MZT2A: variants seen among roughly 807,000 people sequenced by gnomAD.
The protein encoded by MZT2A is mitotic spindle organizing protein 2A.
Under a neutral mutation model 12.4 loss-of-function variants are expected in MZT2A, and 8 were observed. The ratio of observed to expected loss-of-function variants is 0.64; its 90% CI spans 0.38 to 1.16. The LOEUF is 1.16. MZT2A is among the 50% of genes most tolerant of loss of function. MZT2A has a pLI of 0.01. For missense variants in MZT2A, 181 were observed against 223.6 expected, an observed-to-expected ratio of 0.81 and a Z score of 1.22; for synonymous variants, 88 against 107.5, an observed-to-expected ratio of 0.82 and a Z score of 1.12.
chr2:131,492,230 G>A lies in MZT2A; in HGVS notation c.147C>T (p.Gly49=), dbSNP rs760207026. Residue 49 remains glycine, a synonymous_variant, in exon 1 of 3, where the codon GGC becomes GGT. Transcript: ENST00000309451. ...ELYELAQAAG[G]GIDPDVFKIL... ...ACTTGAACACGTCGGGGTCGATACC[G>A]CCGCCCGCCGCCTGAGCCAGCTCGT... The A allele has an allele frequency of 1.1e-5, 17 of 1,582,146 alleles. No homozygotes were observed. Among genetic ancestry groups the A allele is most frequent in the Non-Finnish European group, 1.1e-5 (13 of 1,170,324 alleles).
chr2:131,486,490 C>CA (rs1160021486), intron 2 of MZT2A: 1 of 153,454 alleles, frequency 6.5e-6, no homozygotes, highest in Non-Finnish European at 1.5e-5. Context: ...AGGCCTGACT[C>CA]AGAGTCGGCT....
At chr2:131,478,638 C>T in intron 2 of MZT2A, 4 of 706,586 alleles carry the variant, frequency 5.7e-6, no homozygotes, top group Non-Finnish European at 9.0e-6. Context: ...GAAGAGATTC[C>T]CTCGTGCGTG....
intron 2 of MZT2A, chr2:131,476,216 C>A: frequency 6.2e-7 from 1 of 1,613,924 alleles, no homozygotes; most frequent in Non-Finnish European, 8.5e-7. Context: ...AGGCCCGGGT[C>A]ACTCCCGCCC....
intron 2 of MZT2A, among the ~76,000 whole-genome samples, chr2:131,474,921 T>C (rs2105265779): frequency 6.6e-6 from 1 of 152,132 alleles, no homozygotes; most frequent in African/African-American, 2.4e-5. Context: ...TTAAGACAAC[T>C]TGCATCTCCA....
intron 2 of MZT2A, among the ~76,000 whole-genome samples, chr2:131,472,370 A>G (rs1298488817): frequency 6.6e-6 from 1 of 152,234 alleles, no homozygotes; most frequent in Non-Finnish European, 1.5e-5. Flanking sequence ...ACTACAAGTC[A>G]ATTATGGAAT....
downstream of MZT2A, chr2:131,480,893 A>C: frequency 8.2e-7 from 1 of 1,224,730 alleles, no homozygotes; most frequent in Non-Finnish European, 1.1e-6. Flanking sequence ...CAGAGTTGAT[A>C]ATTGATTCAG....
intron 2 of MZT2A, among the ~76,000 whole-genome samples, chr2:131,487,829 C>T (rs949859121): frequency 1.4e-4 from 22 of 152,198 alleles, no homozygotes; most frequent in Non-Finnish European, 2.8e-4. Flanking sequence ...TGCAGTGGTG[C>T]AGTCACAGCT....
chr2:131,492,796 G>GGGGGGGGGC, upstream of MZT2A: 1 of 853,298 alleles, frequency 1.2e-6, no homozygotes, highest in Non-Finnish European at 1.7e-6. Context: ...GGGGTGGGGG[G>GGGGGGGGGC]CACTAATCAA....
downstream of MZT2A, chr2:131,479,351 G>A (rs771713930): frequency 1.3e-5 from 21 of 1,614,152 alleles, no homozygotes; most frequent in South Asian, 2.1e-4. Context: ...TCCACCCGGA[G>A]CAGCTGATCA....
intron 3 of MZT2A, among the ~76,000 whole-genome samples, chr2:131,471,099 G>A (rs1352446965): frequency 7.2e-6 from 1 of 138,228 alleles, no homozygotes; most frequent in Non-Finnish European, 1.5e-5. Flanking sequence ...GACTAAGACT[G>A]GAAGTGACGA....
Position 131,484,226 on chromosome 2 carries a change from G to A in MZT2A, c.320-8C>T. 1 of 1,612,876 alleles carries A rather than the reference G, an allele frequency of 6.2e-7. No individual in the cohort carries two copies. The highest frequency in any genetic ancestry group is 8.5e-7 in the Non-Finnish European group (1 of 1,179,114). ...CGCTGCCTTTGTCTCTCCCTAAGGA[G>A]ACACAAAGCACAATGATTAGGAATG... is the stretch of plus-strand genomic sequence containing the variant. On this transcript the variant is annotated splice_region_variant and splice_polypyrimidine_tract_variant and intron_variant, in intron 2 of 2. Transcript: ENST00000309451.
intron 2 of MZT2A, among the ~76,000 whole-genome samples, chr2:131,484,523 G>A (rs1678977103): frequency 6.6e-6 from 1 of 152,208 alleles, no homozygotes; most frequent in Non-Finnish European, 1.5e-5. Flanking sequence ...TTTAGGGAAA[G>A]GTAGGTGTGG....
downstream of MZT2A, chr2:131,482,656 C>G (rs761937486): frequency 7.4e-6 from 12 of 1,614,190 alleles, no homozygotes; most frequent in Non-Finnish European, 9.3e-6. Flanking sequence ...TTGCGGAGGC[C>G]TGGGCCCGCC....
chr2:131,492,913 A>G (rs752798334), upstream of MZT2A: 1 of 1,501,560 alleles, frequency 6.7e-7, no homozygotes, highest in Non-Finnish European at 8.9e-7. Flanking sequence ...GCTAAGGACC[A>G]CTCCCTCCCC....
downstream of MZT2A, chr2:131,483,843 G>A (rs903946751): frequency 1.0e-5 from 11 of 1,089,316 alleles, no homozygotes; most frequent in Admixed American, 3.6e-4. Flanking sequence ...GGTTCAGGAA[G>A]TTGACCCATG....
intron 2 of MZT2A, chr2:131,490,793 G>C: frequency 6.5e-7 from 1 of 1,549,988 alleles, no homozygotes; most frequent in Non-Finnish European, 8.7e-7. Flanking sequence ...TGTGGCAGCT[G>C]GGCTGTGGAG....
chr2:131,484,326 A>G (rs2104731515), intron 2 of MZT2A, 108 bp from the exon 3 acceptor site: 1 of 1,506,366 alleles, frequency 6.6e-7, no homozygotes, highest in Non-Finnish European at 8.9e-7. Flanking sequence ...ATTTCCATCA[A>G]AGTCGCTTCA....
At chr2:131,471,210 T>C (rs536621052) in intron 3 of MZT2A, among the ~76,000 whole-genome samples, 1 of 139,934 alleles carries the variant, frequency 7.1e-6, no homozygotes, top group African/African-American at 3.3e-5. Context: ...TGTCAAGCAA[T>C]GAGACGCTGC....
upstream of MZT2A, among the ~76,000 whole-genome samples, chr2:131,493,586 C>T (rs544872118): frequency 6.6e-6 from 1 of 152,000 alleles, no homozygotes; most frequent in Admixed American, 6.6e-5. Context: ...AACAAGTGGG[C>T]GCGTGCTGTT....
Sources: gnomAD v4.1 joint callset for allele counts (sites outside exome capture counted in the v4.1 genomes callset) on GRCh38, gnomAD v4.1.1 for gene constraint, MANE v1.5 for transcripts, NCBI Gene and HGNC (gene_info 2026-07-23, HGNC 2026-07-21) for gene names.